Variants in CRTC3 observed in about 807,000 individuals in gnomAD.
CRTC3 encodes the protein CREB-regulated transcription coactivator 3.
In CRTC3, 26 loss-of-function variants were observed where a neutral mutation model predicts 74.5. The ratio of observed to expected loss-of-function variants is 0.35; its 90% CI spans 0.26 to 0.48. The LOEUF is 0.48. Ranked by LOEUF, CRTC3 falls within the 20% of genes least tolerant of loss-of-function variation. The pLI, the probability that CRTC3 is intolerant of heterozygous loss-of-function variation, is 0.99. For missense variants in CRTC3, 760 were observed against 787.3 expected, an observed-to-expected ratio of 0.97 and a Z score of 0.41; for synonymous variants, 377 against 325.8, an observed-to-expected ratio of 1.16 and a Z score of -1.69.
chr15:90,558,926 A>G (rs1966954619), intron 2 of CRTC3, among the ~76,000 whole-genome samples: 1 of 151,442 alleles, frequency 6.6e-6, no homozygotes, highest in East Asian at 2.0e-4. Flanking sequence ...TAATTTTTGT[A>G]TTTTTAGTAG....
chr15:90,605,697 C>T (rs1023811644), intron 5 of CRTC3, among the ~76,000 whole-genome samples: 1 of 152,168 alleles, frequency 6.6e-6, no homozygotes, highest in Non-Finnish European at 1.5e-5. Flanking sequence ...CCCTTGTCTG[C>T]CTCTTCCCTC....
intron 11 of CRTC3, among the ~76,000 whole-genome samples, chr15:90,637,189 T>C (rs1223941322): frequency 6.6e-6 from 1 of 152,030 alleles, no homozygotes; most frequent in Non-Finnish European, 1.5e-5. Flanking sequence ...ATTAAGAAAA[T>C]GTGGCACATA....
intron 1 of CRTC3, among the ~76,000 whole-genome samples, chr15:90,533,132 G>A (rs747858525): frequency 7.4e-6 from 1 of 135,718 alleles, no homozygotes; most frequent in Non-Finnish European, 1.6e-5. Flanking sequence ...GGCCGGGCGC[G>A]GTGGGTCACG....
intron 1 of CRTC3, among the ~76,000 whole-genome samples, chr15:90,535,200 G>A (rs2151053623): frequency 1.3e-5 from 2 of 152,060 alleles, no homozygotes; most frequent in Middle Eastern, 3.4e-3. Flanking sequence ...CCATGAGGAG[G>A]GCCTAGGAGA....
chr15:90,537,271 C>T (rs1261459323), intron 1 of CRTC3, among the ~76,000 whole-genome samples: 2 of 152,154 alleles, frequency 1.3e-5, no homozygotes, highest in Admixed American at 1.3e-4. Flanking sequence ...TTTGACATAC[C>T]ACTCTTGTGT....
chr15:90,580,388 C>T (rs1293166838), intron 2 of CRTC3, among the ~76,000 whole-genome samples: 2 of 151,682 alleles, frequency 1.3e-5, no homozygotes, highest in African/African-American at 2.4e-5. Context: ...GAAGAATAGG[C>T]TTCCTTAGTG....
chr15:90,578,682 A>G (rs1967465808), intron 2 of CRTC3, among the ~76,000 whole-genome samples: 1 of 152,214 alleles, frequency 6.6e-6, no homozygotes, highest in Non-Finnish European at 1.5e-5. Flanking sequence ...CAGTATTTCA[A>G]AGGACTCACA....
At chr15:90,579,688 C>G (rs1352161844) in intron 2 of CRTC3, among the ~76,000 whole-genome samples, 1 of 127,140 alleles carries the variant, frequency 7.9e-6, no homozygotes, top group Non-Finnish European at 1.6e-5. Flanking sequence ...GTTACCCAGG[C>G]TGGAGTGCAA....
At position 90,642,041 on chromosome 15, in the gene CRTC3, T is replaced by G; in HGVS notation, c.1761T>G (p.Ile587Met). 1 of 1,613,928 alleles carries G rather than the reference T, an allele frequency of 6.2e-7. No individual in the cohort carries two copies. Among genetic ancestry groups the G allele is most frequent in the Non-Finnish European group, 8.5e-7 (1 of 1,180,018 alleles). The change falls in exon 15 of 15, where the codon ATT (isoleucine) becomes ATG (methionine). Residue 587 changes from isoleucine to methionine, a missense_variant. This residue lies in a region of CRTC3 where 652 missense variants were observed against 635.2 expected (regional missense o/e 1.03). Transcript: ENST00000268184. ...TTCCACTGGAAGAGGAGCTGCAGAT[T>G]GAACCCCTGAGCCTGGACGGACTCA... ...TPFPLEEELQ[I>M]EPLSLDGLNM...
chr15:90,640,174 T>C (rs953451840), intron 13 of CRTC3, among the ~76,000 whole-genome samples: 2 of 152,258 alleles, frequency 1.3e-5, no homozygotes, highest in African/African-American at 4.8e-5. Flanking sequence ...AGAGCCATTT[T>C]AGTCTAGGTG....
chr15:90,566,486 G>A (rs2151067880), intron 2 of CRTC3, among the ~76,000 whole-genome samples: 1 of 151,192 alleles, frequency 6.6e-6, no homozygotes, highest in South Asian at 2.1e-4. Context: ...GGAGGCGGAG[G>A]TTGCAGTGAG....
chr15:90,568,803 A>G (rs1397553595), intron 2 of CRTC3, among the ~76,000 whole-genome samples: 2 of 152,216 alleles, frequency 1.3e-5, no homozygotes, highest in Non-Finnish European at 2.9e-5. Flanking sequence ...ACCACTGATC[A>G]ATCAGTGGCC....
Position 90,638,740 on chromosome 15 carries a change from A to G in CRTC3, c.1473A>G (p.Ser491=). 2 of 1,614,128 alleles carry G rather than the reference A, an allele frequency of 1.2e-6. No homozygotes were observed. Among genetic ancestry groups the G allele is most frequent in the Non-Finnish European group, 1.7e-6 (2 of 1,180,016 alleles). The change falls in exon 13 of 15, where the codon TCA becomes TCG. Residue 491 remains serine, a synonymous_variant. Transcript: ENST00000268184. ...SDFQLLPAQG[S]SLTNFFPDVG... is the part of the protein sequence containing the mutation. ...CATCTCCTTATTCCCTGAAGGGCTC[A>G]TCTTTGACCAACTTCTTCCCAGATG...
At chr15:90,615,153 G>A (rs1393043074) in intron 7 of CRTC3, among the ~76,000 whole-genome samples, 4 of 152,020 alleles carry the variant, frequency 2.6e-5, no homozygotes, top group East Asian at 3.8e-4. Context: ...GAACGTCTTC[G>A]TTGACAGATA....
At chr15:90,595,851 A>G (rs7162382) in intron 3 of CRTC3, 28,938 of 152,196 alleles carry the variant, frequency 0.19, 4,806 homozygotes, top group African/African-American at 0.45. Context: ...CGTTTTAGAC[A>G]TTTTAATTCA....
chr15:90,595,596 A>G (rs1406525576), intron 3 of CRTC3: 1 of 150,730 alleles, frequency 6.6e-6, no homozygotes, highest in African/African-American at 2.4e-5. Context: ...ATATTTTTTC[A>G]GTTCTCAGTT....
chr15:90,638,269 G>T (rs1378680801), intron 11 of CRTC3, 177 bp from the exon 12 acceptor site: 5 of 581,426 alleles, frequency 8.6e-6, no homozygotes, highest in African/African-American at 1.9e-5. Context: ...GCTTTGTGGG[G>T]AAGTAAAATT....
intron 7 of CRTC3, 74 bp downstream of exon 7, chr15:90,614,562 T>A: frequency 1.0e-6 from 1 of 991,396 alleles, no homozygotes; most frequent in Non-Finnish European, 1.6e-6. Context: ...ATACCTTTAC[T>A]AATAAATATT....
At chr15:90,548,661 T>C (rs991342260) in intron 2 of CRTC3, among the ~76,000 whole-genome samples, 2 of 152,196 alleles carry the variant, frequency 1.3e-5, no homozygotes, top group Non-Finnish European at 2.9e-5. Context: ...AAAATACCAC[T>C]ACTAACCACA....
Sources: allele counts gnomAD v4.1 joint callset (sites outside exome capture counted in the v4.1 genomes callset), GRCh38; gene constraint gnomAD v4.1.1; regional missense constraint gnomAD v4.1.1; transcripts MANE v1.5; gene names NCBI Gene and HGNC (gene_info 2026-07-23, HGNC 2026-07-21).